The following CHODL variants were observed in gnomAD, a reference collection of about 807,000 sequenced individuals.
CHODL encodes the protein chondrolectin.
In CHODL, 29 loss-of-function variants were observed where a neutral mutation model predicts 34.5. That is an observed-to-expected ratio of 0.84 (90% CI 0.63 to 1.15). CHODL has a LOEUF of 1.15. Among genes scored for constraint, CHODL ranks in the 50% most tolerant of loss-of-function variants. The pLI is 0.00. For synonymous variants in CHODL, 125 were observed against 116.1 expected (o/e 1.08, Z -0.49); for missense variants, 332 against 332.5 (o/e 1.00, Z 0.01).
At chr21:18,163,420 AG>A (rs900941399) in intron 2 of CHODL, among the ~76,000 whole-genome samples, 1 of 152,200 alleles carries the variant, frequency 6.6e-6, no homozygotes, top group African/African-American at 2.4e-5. Flanking sequence ...CTTATACTGC[AG>A]GATTTTTTCA....
At chr21:17,929,671 C>T (rs527861070) in intron 1 of CHODL, among the ~76,000 whole-genome samples, 4 of 152,204 alleles carry the variant, frequency 2.6e-5, no homozygotes, top group Non-Finnish European at 4.4e-5. Flanking sequence ...GATGGGAGAG[C>T]TCCCTGAACC....
chr21:18,087,030 G>A (rs1426482920), intron 2 of CHODL, among the ~76,000 whole-genome samples: 1 of 152,204 alleles, frequency 6.6e-6, no homozygotes, highest in Non-Finnish European at 1.5e-5. Flanking sequence ...CAATCCTACA[G>A]TGGCCTATGG....
intron 2 of CHODL, among the ~76,000 whole-genome samples, chr21:18,177,145 C>A (rs1032166946): frequency 1.3e-5 from 2 of 151,900 alleles, no homozygotes; most frequent in African/African-American, 4.8e-5. Context: ...AATAATTATA[C>A]AAATAATAAC....
chr21:18,253,623 A>G (rs1217457706), intron 1 of CHODL, among the ~76,000 whole-genome samples: 1 of 152,138 alleles, frequency 6.6e-6, no homozygotes, highest in Non-Finnish European at 1.5e-5. Flanking sequence ...AAAACTTAGT[A>G]ATATATTAGG....
At chr21:18,041,718 C>G (rs768744857) in intron 2 of CHODL, among the ~76,000 whole-genome samples, 1 of 151,898 alleles carries the variant, frequency 6.6e-6, no homozygotes, top group Non-Finnish European at 1.5e-5. Flanking sequence ...ACTGAGATGT[C>G]TAGTTCAGTT....
intron 2 of CHODL, among the ~76,000 whole-genome samples, chr21:18,048,197 T>C (rs1237188195): frequency 6.6e-6 from 1 of 151,912 alleles, no homozygotes; most frequent in Non-Finnish European, 1.5e-5. Flanking sequence ...AGGAATTGAT[T>C]TGCTTTTCTC....
chr21:17,969,209 A>G (rs1022303157), intron 1 of CHODL, among the ~76,000 whole-genome samples: 4 of 152,216 alleles, frequency 2.6e-5, no homozygotes, highest in African/African-American at 9.7e-5. Context: ...TTAAGGGTCA[A>G]AAGCCAAAAT....
chr21:18,060,274 G>A (rs576118695), intron 2 of CHODL, among the ~76,000 whole-genome samples: 1 of 152,006 alleles, frequency 6.6e-6, no homozygotes, highest in African/African-American at 2.4e-5. Flanking sequence ...GGGCAACATG[G>A]CAAAACCTTG....
chr21:18,179,311 C>T (rs2824685), intron 2 of CHODL, among the ~76,000 whole-genome samples: 4 of 152,098 alleles, frequency 2.6e-5, no homozygotes, highest in South Asian at 2.1e-4. Flanking sequence ...CTCTGTTCGT[C>T]GATTCCTGTC....
chr21:18,086,895 C>T (rs546038740), intron 2 of CHODL, among the ~76,000 whole-genome samples: 3 of 152,278 alleles, frequency 2.0e-5, no homozygotes, highest in African/African-American at 7.2e-5. Flanking sequence ...GGTGGGTTCT[C>T]AGACCCTTGG....
intron 2 of CHODL, among the ~76,000 whole-genome samples, chr21:18,213,168 A>G (rs771488994): frequency 7.2e-5 from 11 of 152,138 alleles, no homozygotes; most frequent in Admixed American, 2.0e-4. Context: ...ACATCTTTTG[A>G]GACACTCTTA....
intron 2 of CHODL, among the ~76,000 whole-genome samples, chr21:18,214,855 G>C (rs2073808448): frequency 1.3e-5 from 2 of 151,996 alleles, no homozygotes; most frequent in Non-Finnish European, 1.5e-5. Context: ...ACACACAGCT[G>C]CATTGTTTGA....
chr21:18,133,671 C>G (rs929351912), intron 2 of CHODL, among the ~76,000 whole-genome samples: 2 of 152,022 alleles, frequency 1.3e-5, no homozygotes, highest in African/African-American at 2.4e-5. Flanking sequence ...GCGTATAGCC[C>G]CCTTTAGAAG....
chr21:18,262,929 A>G (rs1412515579), intron 5 of CHODL, 36 bp downstream of exon 5: 2 of 1,151,298 alleles, frequency 1.7e-6, no homozygotes, highest in South Asian at 1.3e-5. Flanking sequence ...AATTTGAAAA[A>G]CTTTAAATAG....
At chr21:17,949,289 T>G (rs1344786758) in intron 1 of CHODL, among the ~76,000 whole-genome samples, 1 of 152,136 alleles carries the variant, frequency 6.6e-6, no homozygotes, top group Non-Finnish European at 1.5e-5. Flanking sequence ...ATTGTCTGAG[T>G]GAGAAGTATA....
At chr21:18,029,623 T>C (rs1327418402) in intron 2 of CHODL, among the ~76,000 whole-genome samples, 1 of 152,110 alleles carries the variant, frequency 6.6e-6, no homozygotes, top group Admixed American at 6.6e-5. Context: ...TGTTTATTTC[T>C]AGTCATCTAG....
At chr21:17,940,205 C>T (rs1435583057) in intron 1 of CHODL, among the ~76,000 whole-genome samples, 1 of 152,200 alleles carries the variant, frequency 6.6e-6, no homozygotes, top group African/African-American at 2.4e-5. Flanking sequence ...AAAAACCCAA[C>T]TGCAGCTCAT....
intron 1 of CHODL, among the ~76,000 whole-genome samples, chr21:18,254,023 T>C (rs936607205): frequency 1.3e-5 from 2 of 152,120 alleles, no homozygotes; most frequent in African/African-American, 4.8e-5. Context: ...TTTCTGTGCC[T>C]TTCTCCCTCT....
intron 1 of CHODL, among the ~76,000 whole-genome samples, chr21:17,952,723 A>ATTTCTATTTAAG (rs1294798305): frequency 3.9e-5 from 6 of 152,224 alleles, no homozygotes; most frequent in East Asian, 1.9e-4. Context: ...CTATTTAAGA[A>ATTTCTATTTAAG]AATGGATTAT....
Sources: gnomAD v4.1 joint callset for allele counts (sites outside exome capture counted in the v4.1 genomes callset) on GRCh38, gnomAD v4.1.1 for gene constraint, MANE v1.5 for transcripts, NCBI Gene and HGNC (gene_info 2026-07-23, HGNC 2026-07-21) for gene names.